Variants in FHAD1 observed in about 807,000 individuals in gnomAD.
FHAD1 encodes the protein forkhead-associated domain-containing protein 1.
A neutral mutation model predicts 191.3 loss-of-function variants in FHAD1; 146 were observed. That is an observed-to-expected ratio of 0.76 (90% CI 0.67 to 0.88). The LOEUF (loss-of-function observed/expected upper bound fraction) is 0.88, where lower values mean the gene tolerates loss of function less well. FHAD1 is among the 40% of genes least tolerant of loss of function. The pLI is 0.00. For missense variants in FHAD1, 1,635 were observed against 1,785.8 expected, an observed-to-expected ratio of 0.92 and a Z score of 1.52; for synonymous variants, 616 against 672.3, an observed-to-expected ratio of 0.92 and a Z score of 1.29.
At chr1:15,264,548 ATG>A (rs71572146) in intron 2 of FHAD1, among the ~76,000 whole-genome samples, 13,771 of 146,848 alleles carry the variant, frequency 0.094, 1,302 homozygotes, top group African/African-American at 0.25. Flanking sequence ...ATATGTATAT[ATG>A]TGTGTGTGTG....
chr1:15,312,952 C>T lies in FHAD1; in HGVS notation c.1040-105C>T. The T allele has an allele frequency of 7.1e-7, 1 of 1,401,196 alleles. No individual in the cohort carries two copies. Among genetic ancestry groups the T allele is most frequent in the Non-Finnish European group, 9.7e-7 (1 of 1,032,880 alleles). The allele number at this position is 1,401,196 out of a possible 1,614,324, so 86.8% of individuals were successfully genotyped here. On this transcript the variant is annotated intron_variant, in intron 7 of 33. Coordinates refer to ENST00000688493, the MANE Select transcript of FHAD1 (RefSeq NM_001391957.1). This position sits in a 1 kb window ranked among gnomAD's most constrained non-coding sequence, Gnocchi z 4.7. ...TTCAAGCTCCTGGGATCCTTGGAGACACCTCCCTTCTCAGTGCCAGGCTCG... is the reference window on the plus strand; with the variant it reads ...TTCAAGCTCCTGGGATCCTTGGAGATACCTCCCTTCTCAGTGCCAGGCTCG...
chr1:15,331,856 G>A (rs988343117), intron 14 of FHAD1, among the ~76,000 whole-genome samples: 9 of 152,216 alleles, frequency 5.9e-5, no homozygotes, highest in Admixed American at 2.0e-4. Flanking sequence ...TTTGCTCCAT[G>A]TTTTGCCTGA....
intron 7 of FHAD1, among the ~76,000 whole-genome samples, chr1:15,309,709 C>T (rs1001702959): frequency 1.3e-5 from 2 of 151,264 alleles, no homozygotes; most frequent in Admixed American, 6.6e-5. Context: ...TTATTATTAG[C>T]GTGAGTGTAT....
rs11581123 is a variant in FHAD1 at position 15,324,310 on chromosome 1, C to T, written c.1366-142C>T. On this transcript the variant is annotated intron_variant, in intron 10 of 33. Transcript: ENST00000688493. The stretch of plus-strand genomic sequence containing the variant: ...CCCTAGCCTGGCTCCACCCCGCGCA[C>T]GCCTGTGACCCCTGCCACATGGGCT... 1.2e-3 allele frequency: 825 copies of T among 683,066 alleles called. 7 individuals are homozygous for T. In the African/African-American group the frequency reaches 0.012, roughly 10 times the overall value. 42.3% of individuals were successfully genotyped at this position (683,066 alleles called of 1,614,324 possible). A position where few individuals can be genotyped will look rare whatever the true frequency, so the allele number is the denominator to read the frequency against.
chr1:15,313,553 C>G (rs948301362), intron 8 of FHAD1, among the ~76,000 whole-genome samples: 1 of 152,108 alleles, frequency 6.6e-6, no homozygotes, highest in Non-Finnish European at 1.5e-5. Flanking sequence ...ATTTCCATGG[C>G]AAGGCTTAAT....
Position 15,389,681 on chromosome 1 carries a change from G to A in FHAD1, c.4270-1529G>A, listed in dbSNP as rs371285541. Among the ~76,000 whole-genome samples the A allele has an allele frequency of 1.1e-3, 163 of 152,166 alleles. 3 individuals carry two copies. The South Asian group carries it at 0.032, about 30-fold the overall frequency. Reference sequence around the variant, plus strand: ...CTTTGGGAGAACAGTGGAGACTTACGAGCACCTATGCCCCTATCCTAAAAG... The same window carrying A: ...CTTTGGGAGAACAGTGGAGACTTACAAGCACCTATGCCCCTATCCTAAAAG... On this transcript the variant is annotated intron_variant, in intron 32 of 33. Coordinates refer to ENST00000688493, the MANE Select transcript of FHAD1 (RefSeq NM_001391957.1).
At chr1:15,304,554 C>T (rs941571644) in intron 6 of FHAD1, among the ~76,000 whole-genome samples, 3 of 152,106 alleles carry the variant, frequency 2.0e-5, no homozygotes, top group Admixed American at 1.3e-4. Flanking sequence ...CAAACAAAAG[C>T]ATTAAGCTGA....
chr1:15,345,143 C>G lies in FHAD1; in HGVS notation c.2191C>G (p.Arg731Gly). The stretch of plus-strand genomic sequence containing the variant: ...AGCGAAAGAGACTTTAGAGGAAGAA[C>G]GGAAGAGAATGCAAGAACTGGAGAG... ...NRAKETLEEERKRMQELESLL... is the reference protein window; with the variant it reads ...NRAKETLEEEGKRMQELESLL... The change falls in exon 17 of 34, where the codon CGG (arginine) becomes GGG (glycine). Residue 731 changes from arginine (R) to glycine (G), a missense_variant. By Grantham distance (125) the Arg-to-Gly change is moderately radical. Transcript: ENST00000688493. 6.4e-7 allele frequency: 1 copy of G among 1,551,708 alleles called. No homozygotes were observed. The highest frequency in any genetic ancestry group is 1.2e-5 in the South Asian group (1 of 84,058).
chr1:15,372,736 A>C (rs888079687), intron 26 of FHAD1, among the ~76,000 whole-genome samples: 1 of 152,266 alleles, frequency 6.6e-6, no homozygotes, highest in Non-Finnish European at 1.5e-5. Flanking sequence ...CTGGTATTTT[A>C]AAAAGTATTA....
chr1:15,399,243 G>A (rs1706874676), downstream of FHAD1, among the ~76,000 whole-genome samples: 1 of 152,062 alleles, frequency 6.6e-6, no homozygotes, highest in Non-Finnish European at 1.5e-5. Flanking sequence ...TATTCCATTG[G>A]AGGCACATCT....
intron 3 of FHAD1, among the ~76,000 whole-genome samples, chr1:15,284,427 T>A (rs1369731593): frequency 1.4e-5 from 2 of 143,174 alleles, no homozygotes; most frequent in African/African-American, 5.3e-5. Context: ...TGCAGTGAGC[T>A]GAGATTGCGC....
At chr1:15,363,390 T>C (rs1156634471) in intron 23 of FHAD1, among the ~76,000 whole-genome samples, 2 of 152,228 alleles carry the variant, frequency 1.3e-5, no homozygotes. Flanking sequence ...GGGTTAAGTT[T>C]CAACTTGAGA....
chr1:15,316,558 A>G lies in FHAD1; in HGVS notation c.1260+91A>G, dbSNP rs1310374250. 1.1e-5 allele frequency: 12 copies of G among 1,055,838 alleles called. No homozygotes were observed. In the Admixed American group the frequency reaches 1.8e-4, roughly 16 times the overall value. The allele number at this position is 1,055,838 out of a possible 1,614,324, so 65.4% of individuals were successfully genotyped here. ...GTGGGATCCTGGGCCATCACTAAGCATGAAGCTCTGGGGCTCTGTGCTTGC... is the reference window on the plus strand; with the variant it reads ...GTGGGATCCTGGGCCATCACTAAGCGTGAAGCTCTGGGGCTCTGTGCTTGC... On this transcript the variant is annotated intron_variant, in intron 9 of 33. Transcript: ENST00000688493. This position sits in a 1 kb window ranked among gnomAD's most constrained non-coding sequence, Gnocchi z 4.3.
At chr1:15,279,509 T>G (rs1659716587) in intron 3 of FHAD1, among the ~76,000 whole-genome samples, 1 of 149,738 alleles carries the variant, frequency 6.7e-6, no homozygotes, top group Non-Finnish European at 1.5e-5. Flanking sequence ...TCCTTCTGTC[T>G]TCTTCCTTCT....
At chr1:15,391,430 T>C (rs2103117333) in intron 33 of FHAD1, among the ~76,000 whole-genome samples, 167 bp downstream of exon 33, 1 of 152,326 alleles carries the variant, frequency 6.6e-6, no homozygotes, top group East Asian at 1.9e-4. Context: ...TCTGACCTTG[T>C]AATCTGCCTG....
At chr1:15,250,703 T>C (rs368318406) in intron 1 of FHAD1, among the ~76,000 whole-genome samples, 6 of 152,136 alleles carry the variant, frequency 3.9e-5, no homozygotes, top group African/African-American at 1.4e-4. Context: ...AAAGCAGACA[T>C]GGTGGTGTGC....
At chr1:15,272,132 T>C (rs111337880) in intron 2 of FHAD1, among the ~76,000 whole-genome samples, 191 bp from the exon 3 acceptor site, 6 of 152,194 alleles carry the variant, frequency 3.9e-5, no homozygotes, top group African/African-American at 1.4e-4. Context: ...TATCCCAAGC[T>C]CCTTCACACA....
intron 1 of FHAD1, among the ~76,000 whole-genome samples, chr1:15,237,038 C>T (rs143334293): frequency 1.2e-3 from 185 of 152,220 alleles, no homozygotes; most frequent in African/African-American, 4.3e-3. Context: ...AAGAGGGACG[C>T]GTTTGCTTCC....
At chr1:15,374,216 C>T (rs1357206407) in intron 26 of FHAD1, among the ~76,000 whole-genome samples, 1 of 152,088 alleles carries the variant, frequency 6.6e-6, no homozygotes, top group African/African-American at 2.4e-5. Flanking sequence ...CGAATGGAAA[C>T]CTAGGCATAG....
Sources: allele counts gnomAD v4.1 joint callset (sites outside exome capture counted in the v4.1 genomes callset), GRCh38; gene constraint gnomAD v4.1.1; non-coding constraint Gnocchi (gnomAD v3.1); transcripts MANE v1.5; gene names NCBI Gene and HGNC (gene_info 2026-07-23, HGNC 2026-07-21).